BRD2: variants seen among roughly 807,000 people sequenced by gnomAD.
The protein encoded by BRD2 is bromodomain-containing protein 2.
A neutral mutation model predicts 79.1 loss-of-function variants in BRD2; 15 were observed. That is an observed-to-expected ratio of 0.19 (90% CI 0.13 to 0.29). BRD2 has a LOEUF of 0.29. Ranked by LOEUF, BRD2 falls within the 10% of genes least tolerant of loss-of-function variation. The probability of loss-of-function intolerance (pLI) is 1.00; values close to 1 mark genes in which losing one functional copy is unlikely to be tolerated. For synonymous variants in BRD2, 488 were observed against 358.6 expected (o/e 1.36, Z -4.08); for missense variants, 1,053 against 991.3 (o/e 1.06, Z -0.84).
chr6:32,977,335 A>G, intron 7 of BRD2, 107 bp from the exon 8 acceptor site: 2 of 1,607,396 alleles, frequency 1.2e-6, no homozygotes, highest in Non-Finnish European at 1.7e-6. Flanking sequence ...CCTTAAGGTC[A>G]TCCCCACTGT....
In BRD2 at chr6:32,977,851, A is replaced by G. The variant is rs751063771; in HGVS notation, c.1424A>G (p.Lys475Arg). ...VSTAMPPGLA[K>R]SSSESSSEES... is the part of the protein sequence containing the mutation. ...ACTGCCATGCCCCCTGGCTTGGCCA[A>G]ATCGTCTTCAGAGTCCTCCAGTGAG... is the stretch of plus-strand genomic sequence containing the variant. Residue 475 changes from lysine (K) to arginine (R), a missense_variant, in exon 9 of 13, where the codon AAA becomes AGA. By Grantham distance (26) the Lys-to-Arg change is conservative. This residue lies in a region of BRD2 where 454 missense variants were observed against 430.5 expected (regional missense o/e 1.05). Transcript: ENST00000374825. 7 of 1,613,130 alleles carry G rather than the reference A, an allele frequency of 4.3e-6. No individual in the cohort carries two copies. Among genetic ancestry groups the G allele is most frequent in the African/African-American group, 1.3e-5 (1 of 75,044 alleles).
intron 4 of BRD2, 21 bp downstream of exon 4, chr6:32,975,542 A>G (rs1370399712): frequency 6.2e-7 from 1 of 1,610,458 alleles, no homozygotes; most frequent in Non-Finnish European, 8.5e-7. Flanking sequence ...CTGTGTGTTC[A>G]TTTAGTAGGT....
At position 32,978,259 on chromosome 6, in the gene BRD2, A is replaced by G. The variant is rs557040290; in HGVS notation, c.1712A>G (p.Glu571Gly). The G allele has an allele frequency of 1.2e-6, 2 of 1,613,092 alleles. No homozygotes were observed. The highest frequency in any genetic ancestry group is 1.1e-5 in the South Asian group (1 of 91,078). Reference sequence around the variant, plus strand: ...CATCGAGGCCGAGCTGGGGCCGATGAAGATGACAAGGGGCCTAGGGCACCC... The same window carrying G: ...CATCGAGGCCGAGCTGGGGCCGATGGAGATGACAAGGGGCCTAGGGCACCC... ...EKHRGRAGAD[E>G]DDKGPRAPRP... is the part of the protein sequence containing the mutation. Residue 571 changes from glutamate (E) to glycine (G), a missense_variant, in exon 10 of 13, where the codon GAA (glutamate) becomes GGA (glycine). Coordinates refer to ENST00000374825, the MANE Select transcript of BRD2 (RefSeq NM_005104.4).
intron 7 of BRD2, 120 bp from the exon 8 acceptor site, chr6:32,977,322 G>C: frequency 6.2e-7 from 1 of 1,604,552 alleles, no homozygotes; most frequent in Non-Finnish European, 8.5e-7. Context: ...CCAGGGCACA[G>C]ATCCTTAAGG....
At chr6:32,975,818 G>C (rs1778664665) in intron 4 of BRD2, among the ~76,000 whole-genome samples, 1 of 150,946 alleles carries the variant, frequency 6.6e-6, no homozygotes, top group African/African-American at 2.5e-5. Flanking sequence ...CAGCTCTCAA[G>C]TTTTTTCTTC....
chr6:32,973,728 G>C (rs1778342569), intron 2 of BRD2, among the ~76,000 whole-genome samples: 2 of 152,140 alleles, frequency 1.3e-5, no homozygotes, highest in African/African-American at 2.4e-5. Context: ...GTGGAAGGGG[G>C]CTATCACTTG....
chr6:32,973,986 T>C (rs1778379177), intron 2 of BRD2, among the ~76,000 whole-genome samples: 1 of 152,216 alleles, frequency 6.6e-6, no homozygotes, highest in Non-Finnish European at 1.5e-5. Context: ...GATTATTCTG[T>C]GTCTTATCAG....
chr6:32,975,126 A>AT, intron 3 of BRD2: 1 of 1,506,990 alleles, frequency 6.6e-7, no homozygotes, highest in South Asian at 1.2e-5. Context: ...ATGTCACAGG[A>AT]TGGGAAGTTT....
intron 10 of BRD2, chr6:32,978,617 C>T: frequency 1.5e-6 from 1 of 646,226 alleles, no homozygotes; most frequent in Admixed American, 3.0e-5. Context: ...CACCTCAGAT[C>T]ATTGGGCCAT....
In BRD2 at chr6:32,976,556, C is replaced by A; in HGVS notation, c.826-6C>A. 2 of 1,590,792 alleles carry A rather than the reference C, an allele frequency of 1.3e-6. No individual in the cohort carries two copies. Among genetic ancestry groups the A allele is most frequent in the Non-Finnish European group, 1.7e-6 (2 of 1,170,040 alleles). ...GACAGGTTCCCTATCTTGTTTCTTTCTGCAGAAAAAAGGCGTAAAGCGGAA... is the reference window on the plus strand; with the variant it reads ...GACAGGTTCCCTATCTTGTTTCTTTATGCAGAAAAAAGGCGTAAAGCGGAA... On this transcript the variant is annotated splice_polypyrimidine_tract_variant and splice_region_variant and intron_variant, in intron 6 of 12. Coordinates refer to ENST00000374825, the MANE Select transcript of BRD2 (RefSeq NM_005104.4).
rs373853679 is a variant in BRD2, at chr6:32,975,479, A to G, written c.429A>G (p.Gln143=). Reference sequence around the variant, plus strand: ...ATTGGGCTGCTTCAGAGTGTATGCAAGATTTTAATACCATGTTCACCAACT... The same window carrying G: ...ATTGGGCTGCTTCAGAGTGTATGCAGGATTTTAATACCATGTTCACCAACT... ...NYYWAASECM[Q]DFNTMFTNCY... Residue 143 remains glutamine, a synonymous_variant, in exon 4 of 13, where the codon CAA becomes CAG. Transcript: ENST00000374825. The G allele has an allele frequency of 1.2e-6, 2 of 1,612,732 alleles. No homozygotes were observed. Among genetic ancestry groups the G allele is most frequent in the Non-Finnish European group, 8.5e-7 (1 of 1,179,874 alleles).
At chr6:32,970,049 C>T (rs1283193652) in intron 1 of BRD2, among the ~76,000 whole-genome samples, 1 of 152,180 alleles carries the variant, frequency 6.6e-6, no homozygotes, top group Non-Finnish European at 1.5e-5. Context: ...TTCCGGAATG[C>T]AGGGAATAAA....
At chr6:32,976,202 C>CT (rs2066741) in intron 5 of BRD2, 33 bp downstream of exon 5, 787,840 of 1,610,696 alleles carry the variant, frequency 0.49, 195,390 homozygotes, top group African/African-American at 0.53. Flanking sequence ...AAATGGACAA[C>CT]TAAAGATGGG....
chr6:32,975,942 A>G (rs1778686268), intron 4 of BRD2, 89 bp from the exon 5 acceptor site: 3 of 1,438,010 alleles, frequency 2.1e-6, no homozygotes, highest in East Asian at 2.3e-5. Context: ...GTAATGGCCT[A>G]GGGCCTGAAT....
Position 32,972,859 on chromosome 6 carries a change from T to A in BRD2, c.-40T>A, listed in dbSNP as rs767346915. 1 of 1,613,900 alleles carries A rather than the reference T, an allele frequency of 6.2e-7. No individual in the cohort carries two copies. Among genetic ancestry groups the A allele is most frequent in the East Asian group, 2.2e-5 (1 of 44,878 alleles). ...TGAGGGGAACCGAGGCCACCCGGAC[T>A]TTCCGCGGCTGAGGGCAGCGCCGGT... is the stretch of plus-strand genomic sequence containing the variant. On this transcript the variant is annotated 5_prime_UTR_variant, in exon 2 of 13. Transcript: ENST00000374825.
At chr6:32,973,383 TC>T (rs1352949898) in intron 2 of BRD2, among the ~76,000 whole-genome samples, 1 of 152,126 alleles carries the variant, frequency 6.6e-6, no homozygotes, top group Non-Finnish European at 1.5e-5. Context: ...GGGATCACTC[TC>T]CCGTGTGTGC....
At position 32,977,529 on chromosome 6, in the gene BRD2, C is replaced by T; in HGVS notation, c.1288C>T (p.Pro430Ser). 2 of 1,614,054 alleles carry T rather than the reference C, an allele frequency of 1.2e-6. No individual in the cohort carries two copies. The highest frequency in any genetic ancestry group is 8.5e-7 in the Non-Finnish European group (1 of 1,180,044). ...GTTCTCCAACTGCTATAAGTACAAT[C>T]CCCCAGATCACGATGTTGTGGCAAT... The part of the protein sequence containing the change: ...LMFSNCYKYN[P>S]PDHDVVAMAR... The change falls in exon 8 of 13, where the codon CCC (proline) becomes TCC (serine). Residue 430 changes from proline to serine, a missense_variant. This residue lies in a region of BRD2 where 454 missense variants were observed against 430.5 expected (regional missense o/e 1.05). Coordinates refer to ENST00000374825, the MANE Select transcript of BRD2 (RefSeq NM_005104.4).
chr6:32,969,731 T>C (rs2127496152), intron 1 of BRD2, among the ~76,000 whole-genome samples: 1 of 152,262 alleles, frequency 6.6e-6, no homozygotes, highest in African/African-American at 2.4e-5. Context: ...GAGGTCTGCT[T>C]AGGAACAGAA....
At chr6:32,975,330 C>G (rs1165052844) in intron 3 of BRD2, 54 bp from the exon 4 acceptor site, 2 of 1,435,634 alleles carry the variant, frequency 1.4e-6, no homozygotes, top group Admixed American at 2.0e-5. Flanking sequence ...GATCGGTAGT[C>G]TCCCTATAAG....
Sources: allele counts gnomAD v4.1 joint callset (sites outside exome capture counted in the v4.1 genomes callset), GRCh38; gene constraint gnomAD v4.1.1; regional missense constraint gnomAD v4.1.1; transcripts MANE v1.5; gene names NCBI Gene and HGNC (gene_info 2026-07-23, HGNC 2026-07-21).